LY96: variants seen among roughly 807,000 people sequenced by gnomAD.
LY96 encodes lymphocyte antigen 96.
A neutral mutation model predicts 18.9 loss-of-function variants in LY96; 18 were observed. The observed-to-expected ratio is 0.95, with a 90% CI of 0.66 to 1.41. The LOEUF is 1.41. Ranked by LOEUF, LY96 falls within the 40% of genes most tolerant of loss-of-function variation. The pLI is 0.00. For synonymous variants in LY96, 66 were observed against 62.6 expected (o/e 1.06, Z -0.26); for missense variants, 175 against 182.4 (o/e 0.96, Z 0.23).
At position 73,992,725 on chromosome 8, in the gene LY96, C is replaced by T. The variant is rs867653272; in HGVS notation, c.112+1171C>T. On this transcript the variant is annotated intron_variant, in intron 1 of 4. Transcript: ENST00000284818. ...TCCAAACGTATGTCTAAAATCTCTCCATGCTGCAAGATCCTTTTGCATTCC... is the reference window on the plus strand; with the variant it reads ...TCCAAACGTATGTCTAAAATCTCTCTATGCTGCAAGATCCTTTTGCATTCC... Among the ~76,000 whole-genome samples the T allele has an allele frequency of 2.0e-5, 3 of 152,246 alleles. 1 individual carries two copies. Among genetic ancestry groups the T allele is most frequent in the Middle Eastern group, 3.4e-3 (1 of 294 alleles).
rs757782941 is a variant in LY96 at position 73,991,549 on chromosome 8, A to G, written c.107A>G (p.Tyr36Cys). The G allele has an allele frequency of 7.6e-6, 12 of 1,583,762 alleles. No homozygotes were observed. The Admixed American group carries it at 1.8e-4, about 24-fold the overall frequency. The change falls in exon 1 of 5, where the codon TAC becomes TGC. Residue 36 changes from tyrosine to cysteine, a missense_variant. Coordinates refer to ENST00000284818, the MANE Select transcript of LY96 (RefSeq NM_015364.5). Reference sequence around the variant, plus strand: ...TCCGATGCAAGTATTTCATACACCTACTGTGGTAAGTAAAACCGCAAAACA... The same window carrying G: ...TCCGATGCAAGTATTTCATACACCTGCTGTGGTAAGTAAAACCGCAAAACA... ...NSSDASISYT[Y>C]CDKMQYPISI...
At chr8:74,039,629 T>G in the LY96 span, among the ~76,000 whole-genome samples, 1 of 152,102 alleles carries the variant, frequency 6.6e-6, no homozygotes, top group Non-Finnish European at 1.5e-5. Flanking sequence ...AAGCAAGTCA[T>G]GTGATCATAG....
chr8:74,074,400 TTC>T, the LY96 span, among the ~76,000 whole-genome samples: 32 of 152,280 alleles, frequency 2.1e-4, no homozygotes, highest in East Asian at 6.0e-3. Context: ...TTGATTCTTT[TTC>T]TTTCTTTTTT....
chr8:74,029,802 G>C (rs966872818), downstream of LY96, among the ~76,000 whole-genome samples: 1 of 152,176 alleles, frequency 6.6e-6, no homozygotes, highest in African/African-American at 2.4e-5. Context: ...TGGGATTACA[G>C]GCACCTGCCA....
At chr8:73,996,421 C>CTTTCTTTCT (rs1174842146) in intron 1 of LY96, among the ~76,000 whole-genome samples, 2 of 104,602 alleles carry the variant, frequency 1.9e-5, no homozygotes, top group Non-Finnish European at 3.7e-5. Context: ...TTCTTTCTTT[C>CTTTCTTTCT]TTTCTTTCTT....
At chr8:74,025,088 A>G (rs1045446216) in intron 3 of LY96, among the ~76,000 whole-genome samples, 1 of 152,172 alleles carries the variant, frequency 6.6e-6, no homozygotes, top group Non-Finnish European at 1.5e-5. Context: ...TGGCCTCCCA[A>G]AGTGTTGTGA....
chr8:74,038,695 C>T, the LY96 span, among the ~76,000 whole-genome samples: 5 of 152,144 alleles, frequency 3.3e-5, no homozygotes, highest in Non-Finnish European at 5.9e-5. Context: ...CCCAGACTCT[C>T]ATTCTTTTTT....
Position 74,002,066 on chromosome 8 carries a change from CCTTCCTTCCTTTCTTTCTTT to C in LY96, c.113-2726_113-2707del, listed in dbSNP as rs1292422818. On this transcript the variant is annotated intron_variant, in intron 1 of 4. Coordinates refer to ENST00000284818, the MANE Select transcript of LY96 (RefSeq NM_015364.5). ...TCCTTCCTTCCTTCCTTCCTTCCTTCCTTCCTTCCTTTCTTTCTTTCTTTCTTTCTCTCTCTCTCTCTCTC... is the reference window on the plus strand; with the variant it reads ...TCCTTCCTTCCTTCCTTCCTTCCTTCCTTTCTTTCTCTCTCTCTCTCTCTC... Among the ~76,000 whole-genome samples the C allele has an allele frequency of 1.4e-3, 32 of 22,534 alleles. 4 individuals carry two copies. Among genetic ancestry groups the C allele is most frequent in the African/African-American group, 6.2e-3 (30 of 4,876 alleles). 14.8% of individuals were successfully genotyped at this position (22,534 alleles called of 152,430 possible).
the LY96 span, among the ~76,000 whole-genome samples, chr8:74,084,734 C>T: frequency 5.2e-4 from 79 of 152,186 alleles, 1 homozygote; most frequent in Admixed American, 5.2e-3. Flanking sequence ...CTGCCTCAGC[C>T]TCCCGAGTAG....
At chr8:73,992,627 G>T (rs1480796243) in intron 1 of LY96, among the ~76,000 whole-genome samples, 3 of 152,166 alleles carry the variant, frequency 2.0e-5, no homozygotes, top group Non-Finnish European at 4.4e-5. Flanking sequence ...ATTGCCACAT[G>T]TGAGGAGGAG....
At chr8:74,023,419 G>A (rs980360215) in intron 3 of LY96, among the ~76,000 whole-genome samples, 3 of 152,230 alleles carry the variant, frequency 2.0e-5, no homozygotes, top group African/African-American at 4.8e-5. Flanking sequence ...GTTGCAGTGC[G>A]TTGAGAGTCA....
the LY96 span, among the ~76,000 whole-genome samples, chr8:74,081,067 ACTTT>A: frequency 1.7e-4 from 9 of 54,326 alleles, no homozygotes; most frequent in Non-Finnish European, 2.3e-4. Context: ...TTTCTTTCTT[ACTTT>A]CTTTCTTCTC....
At chr8:74,027,580 C>G (rs1213833009) in intron 4 of LY96, among the ~76,000 whole-genome samples, 1 of 152,126 alleles carries the variant, frequency 6.6e-6, no homozygotes, top group Admixed American at 6.5e-5. Flanking sequence ...AACTGAGGGT[C>G]GGGCTGCCAT....
chr8:74,082,830 G>A, the LY96 span, among the ~76,000 whole-genome samples: 1 of 152,162 alleles, frequency 6.6e-6, no homozygotes, highest in African/African-American at 2.4e-5. Context: ...GGGAAACTTA[G>A]CAAGGCCTGT....
At chr8:74,086,600 A>G in the LY96 span, among the ~76,000 whole-genome samples, 56 of 152,222 alleles carry the variant, frequency 3.7e-4, no homozygotes, top group Non-Finnish European at 7.2e-4. Context: ...ATGTATTAGG[A>G]TGAGGTCCAA....
intron 3 of LY96, among the ~76,000 whole-genome samples, chr8:74,024,296 C>T (rs561643324): frequency 6.6e-6 from 1 of 151,174 alleles, no homozygotes; most frequent in South Asian, 2.1e-4. Flanking sequence ...GATAAATACT[C>T]TCAAAGAAAC....
the LY96 span, among the ~76,000 whole-genome samples, chr8:74,068,089 A>ATATATATAT: frequency 2.4e-4 from 16 of 67,906 alleles, no homozygotes; most frequent in African/African-American, 1.4e-3. Context: ...AAAAAAAAAA[A>ATATATATAT]ATATATATAT....
chr8:74,019,464 G>A (rs1393993817), intron 3 of LY96, among the ~76,000 whole-genome samples: 1 of 152,170 alleles, frequency 6.6e-6, no homozygotes. Flanking sequence ...GGACCAGACA[G>A]ATTCACAGCC....
At chr8:74,090,860 C>T in the LY96 span, among the ~76,000 whole-genome samples, 2 of 152,158 alleles carry the variant, frequency 1.3e-5, no homozygotes, top group African/African-American at 2.4e-5. Context: ...TTACATGGAA[C>T]ATTTAGATAT....
Sources: allele counts gnomAD v4.1 joint callset (sites outside exome capture counted in the v4.1 genomes callset), GRCh38; gene constraint gnomAD v4.1.1; transcripts MANE v1.5; gene names NCBI Gene and HGNC (gene_info 2026-07-23, HGNC 2026-07-21).